The following CDC34 variants were observed in gnomAD, a reference collection of about 807,000 sequenced individuals.
CDC34 encodes the protein ubiquitin-conjugating enzyme E2 R1.
A neutral mutation model predicts 26.8 loss-of-function variants in CDC34; 18 were observed. The observed-to-expected ratio is 0.67, with a 90% CI of 0.47 to 1.00. The LOEUF (loss-of-function observed/expected upper bound fraction) is 1.00, where lower values mean the gene tolerates loss of function less well. Among genes scored for constraint, CDC34 ranks in the 50% least tolerant of loss-of-function variants. CDC34 has a pLI of 0.00. For synonymous variants in CDC34, 178 were observed against 147.5 expected (o/e 1.21, Z -1.50); for missense variants, 280 against 334.5 (o/e 0.84, Z 1.27).
At chr19:536,049 G>A (rs1014746659) in intron 2 of CDC34, 126 bp downstream of exon 2, 100 of 1,084,238 alleles carry the variant, frequency 9.2e-5, no homozygotes, top group Non-Finnish European at 1.2e-4. Context: ...TCCGGGACCC[G>A]GGGCGCTGGG....
intron 1 of CDC34, among the ~76,000 whole-genome samples, chr19:533,079 G>A (rs1979571087): frequency 6.6e-6 from 1 of 152,202 alleles, no homozygotes; most frequent in Admixed American, 6.5e-5. Context: ...AAAGGACTCA[G>A]GCCAAAACCA....
At chr19:540,004 GCCCCC>G (rs1979938932) in intron 4 of CDC34, among the ~76,000 whole-genome samples, 1 of 87,996 alleles carries the variant, frequency 1.1e-5, no homozygotes, top group Non-Finnish European at 2.3e-5. Context: ...GGGTGGCCAG[GCCCCC>G]AGGTTTAGAA....
At chr19:538,661 T>G (rs755938695) in intron 4 of CDC34, 27 of 962,672 alleles carry the variant, frequency 2.8e-5, no homozygotes, top group Non-Finnish European at 3.1e-5. Context: ...ATAATGCATG[T>G]GTCTTCCTCG....
intron 1 of CDC34, among the ~76,000 whole-genome samples, chr19:534,271 A>G (rs1037848573): frequency 2.0e-5 from 3 of 151,952 alleles, no homozygotes; most frequent in African/African-American, 7.3e-5. Flanking sequence ...CTTACGGGGC[A>G]CCAGTGAGTT....
chr19:541,514 G>C lies in CDC34; in HGVS notation c.673G>C (p.Gly225Arg), dbSNP rs568742634. The change falls in exon 5 of 5, where the codon GGG (glycine) becomes CGG (arginine). Residue 225 changes from glycine (G) to arginine (R), a missense_variant. Coordinates refer to ENST00000215574, the MANE Select transcript of CDC34 (RefSeq NM_004359.2). ...GGAGGAGGAGGCCGACAGCTGCTTC[G>C]GGGACGATGAGGATGACTCTGGCAC... ...EVEEEADSCF[G>R]DDEDDSGTEE... 1 of 1,607,452 alleles carries C rather than the reference G, an allele frequency of 6.2e-7. No individual in the cohort carries two copies. The highest frequency in any genetic ancestry group is 2.2e-5 in the East Asian group (1 of 44,758).
chr19:532,165 G>T, intron 1 of CDC34, 57 bp downstream of exon 1: 1 of 1,371,836 alleles, frequency 7.3e-7, no homozygotes, highest in Non-Finnish European at 9.6e-7. Context: ...TCGGGCGCCG[G>T]GAACCAGCTC....
intron 1 of CDC34, among the ~76,000 whole-genome samples, chr19:535,592 G>A (rs758274782): frequency 3.3e-5 from 5 of 152,208 alleles, no homozygotes; most frequent in Non-Finnish European, 5.9e-5. Flanking sequence ...GTGCTGGGCC[G>A]GGTCCCGGCC....
rs763801256 is a variant in CDC34 at position 536,234 on chromosome 19, C to T, written c.265-9C>T. ...CTGACCTGTTCTGACCTGTCTTCTTCTTGTGCAGACGGGGGACGTGTGTAT... is the reference window on the plus strand; with the variant it reads ...CTGACCTGTTCTGACCTGTCTTCTTTTTGTGCAGACGGGGGACGTGTGTAT... On this transcript the variant is annotated splice_polypyrimidine_tract_variant and intron_variant, in intron 2 of 4. Transcript: ENST00000215574. 7 of 1,599,546 alleles carry T rather than the reference C, an allele frequency of 4.4e-6. No individual in the cohort carries two copies. Among genetic ancestry groups the T allele is most frequent in the Middle Eastern group, 1.6e-4 (1 of 6,064 alleles).
intron 4 of CDC34, among the ~76,000 whole-genome samples, chr19:539,263 C>T (rs1255598377): frequency 5.9e-5 from 9 of 152,090 alleles, no homozygotes; most frequent in African/African-American, 1.4e-4. Context: ...GGCACCTCCA[C>T]GGTGCAGGTC....
At chr19:540,902 CCTGTG>C (rs1979982137) in intron 4 of CDC34, among the ~76,000 whole-genome samples, 2 of 152,218 alleles carry the variant, frequency 1.3e-5, no homozygotes, top group Non-Finnish European at 2.9e-5. Flanking sequence ...TCCCATCTCA[CCTGTG>C]CTGGTTCCCG....
chr19:535,336 C>T (rs1979690594), intron 1 of CDC34, among the ~76,000 whole-genome samples: 1 of 152,262 alleles, frequency 6.6e-6, no homozygotes, highest in Admixed American at 6.5e-5. Context: ...TGGGCCAGGG[C>T]AGGTGTCACA....
In CDC34 at chr19:532,186, G is replaced by C. The variant is rs1979520108; in HGVS notation, c.177+78G>C. Reference sequence around the variant, plus strand: ...GCCGGGAACCAGCTCCCTGCCCCGCGGTCCTAGCGCTGTTGCTGGGCGGGC... The same window carrying C: ...GCCGGGAACCAGCTCCCTGCCCCGCCGTCCTAGCGCTGTTGCTGGGCGGGC... On this transcript the variant is annotated intron_variant, in intron 1 of 4. Coordinates refer to ENST00000215574, the MANE Select transcript of CDC34 (RefSeq NM_004359.2). The C allele has an allele frequency of 9.0e-6, 11 of 1,228,270 alleles. No individual in the cohort carries two copies. The South Asian group carries it at 1.6e-4, about 18-fold the overall frequency. The allele number at this position is 1,228,270 out of a possible 1,614,324, so 76.1% of individuals were successfully genotyped here. A position where few individuals can be genotyped will look rare whatever the true frequency, so the allele number is the denominator to read the frequency against.
rs16990556 is a variant in CDC34 at position 536,245 on chromosome 19, G to A, written c.267G>A (p.Thr89=). The part of the protein sequence containing the change: ...TKMWHPNIYE[T]GDVCISILHP... ...TGACCTGTCTTCTTCTTGTGCAGAC[G>A]GGGGACGTGTGTATCTCCATCCTCC... The change falls in exon 3 of 5, where the codon ACG becomes ACA. Residue 89 remains threonine (T), a splice_region_variant and synonymous_variant. Coordinates refer to ENST00000215574, the MANE Select transcript of CDC34 (RefSeq NM_004359.2). 1.4e-3 allele frequency: 2,271 copies of A among 1,603,582 alleles called. 2 individuals are homozygous for A. The highest frequency in any genetic ancestry group is 1.8e-3 in the Non-Finnish European group (2,097 of 1,175,546).
chr19:537,267 C>A, intron 4 of CDC34, 120 bp downstream of exon 4: 12 of 1,161,894 alleles, frequency 1.0e-5, no homozygotes, highest in Non-Finnish European at 1.5e-5. Flanking sequence ...TTCCTGGTGC[C>A]CATTTACAGG....
chr19:536,936 GT>G, intron 3 of CDC34, 76 bp from the exon 4 acceptor site: 1 of 1,571,004 alleles, frequency 6.4e-7, no homozygotes. Context: ...AGGCGTCCCC[GT>G]GACCCTCAGG....
At chr19:539,732 G>A (rs1275372021) in intron 4 of CDC34, among the ~76,000 whole-genome samples, 1 of 152,212 alleles carries the variant, frequency 6.6e-6, no homozygotes, top group African/African-American at 2.4e-5. Flanking sequence ...CCTGTTTTCT[G>A]TCAAATGGGG....
intron 1 of CDC34, among the ~76,000 whole-genome samples, chr19:533,547 G>A (rs576456652): frequency 1.3e-5 from 2 of 152,338 alleles, no homozygotes; most frequent in South Asian, 2.1e-4. Context: ...CAGCTCCTCC[G>A]CCAGCCCCTT....
chr19:535,750 G>C, intron 1 of CDC34, 87 bp from the exon 2 acceptor site: 1 of 986,596 alleles, frequency 1.0e-6, no homozygotes, highest in Non-Finnish European at 1.6e-6. Flanking sequence ...CACCAGCACT[G>C]GGAGTGGGAT....
chr19:533,733 G>A (rs1239779680), intron 1 of CDC34, among the ~76,000 whole-genome samples: 1 of 152,236 alleles, frequency 6.6e-6, no homozygotes, highest in African/African-American at 2.4e-5. Context: ...GGGATAATCC[G>A]GTTTTCCGGA....
Sources: allele counts gnomAD v4.1 joint callset (sites outside exome capture counted in the v4.1 genomes callset), GRCh38; gene constraint gnomAD v4.1.1; transcripts MANE v1.5; gene names NCBI Gene and HGNC (gene_info 2026-07-23, HGNC 2026-07-21).